Variants in NIBAN1 observed in about 807,000 individuals in gnomAD.
NIBAN1 encodes the protein niban apoptosis regulator 1.
NIBAN1 carries 81 observed loss-of-function variants against 75.1 expected under a neutral mutation model. The observed-to-expected ratio is 1.08, with a 90% confidence interval of 0.90 to 1.30. The LOEUF (loss-of-function observed/expected upper bound fraction) is 1.30, where lower values mean the gene tolerates loss of function less well. Among genes scored for constraint, NIBAN1 ranks in the 50% most tolerant of loss-of-function variants. NIBAN1 has a pLI of 0.00. For missense variants in NIBAN1, 1,133 were observed against 1,128.1 expected (o/e 1.00, Z -0.06); for synonymous variants, 436 against 424.8 (o/e 1.03, Z -0.32).
At chr1:184,878,778 A>C (rs999611943) in intron 5 of NIBAN1, among the ~76,000 whole-genome samples, 1 of 152,240 alleles carries the variant, frequency 6.6e-6, no homozygotes, top group African/African-American at 2.4e-5. Flanking sequence ...CAACTGAAAC[A>C]GACGTCAAAG....
At chr1:184,816,302 A>C (rs1387299285) in intron 9 of NIBAN1, among the ~76,000 whole-genome samples, 1 of 152,180 alleles carries the variant, frequency 6.6e-6, no homozygotes, top group African/African-American at 2.4e-5. Context: ...CATCTCTAGG[A>C]TGTCAAATGG....
chr1:184,807,019 C>T (rs1654219569), intron 10 of NIBAN1, among the ~76,000 whole-genome samples: 1 of 152,178 alleles, frequency 6.6e-6, no homozygotes, highest in Admixed American at 6.5e-5. Flanking sequence ...ATCCACCCGC[C>T]TCGGTCTCCC....
intron 1 of NIBAN1, among the ~76,000 whole-genome samples, chr1:184,941,002 A>G (rs1658075481): frequency 6.6e-6 from 1 of 152,232 alleles, no homozygotes; most frequent in Non-Finnish European, 1.5e-5. Flanking sequence ...ATCCTTTCTT[A>G]TATTCCAATT....
chr1:184,835,567 T>G (rs1375439421), intron 5 of NIBAN1, among the ~76,000 whole-genome samples: 1 of 152,218 alleles, frequency 6.6e-6, no homozygotes, highest in Non-Finnish European at 1.5e-5. Flanking sequence ...ACATCCCTTG[T>G]AAGTTGGATT....
chr1:184,931,545 G>A (rs1390476105), intron 1 of NIBAN1, among the ~76,000 whole-genome samples: 3 of 152,194 alleles, frequency 2.0e-5, no homozygotes, highest in East Asian at 3.8e-4. Context: ...TAGAAATGAA[G>A]TTGGAGGATA....
intron 1 of NIBAN1, among the ~76,000 whole-genome samples, chr1:184,962,897 A>G (rs749112291): frequency 2.0e-5 from 3 of 152,146 alleles, no homozygotes; most frequent in Non-Finnish European, 2.9e-5. Flanking sequence ...CTGCTTTTGA[A>G]CTATCATACT....
chr1:184,964,330 C>G (rs190458145), intron 1 of NIBAN1, among the ~76,000 whole-genome samples: 261 of 152,210 alleles, frequency 1.7e-3, no homozygotes, highest in Non-Finnish European at 2.9e-3. Context: ...AATCCAAGAA[C>G]AGGAAAAGTT....
At chr1:184,962,676 G>C (rs1218589003) in intron 1 of NIBAN1, among the ~76,000 whole-genome samples, 1 of 152,104 alleles carries the variant, frequency 6.6e-6, no homozygotes, top group Non-Finnish European at 1.5e-5. Context: ...AAATACTACT[G>C]GGGTAATTTC....
chr1:184,804,104 C>A (rs78100400), intron 11 of NIBAN1, among the ~76,000 whole-genome samples: 8,611 of 152,218 alleles, frequency 0.057, 266 homozygotes, highest in Middle Eastern at 0.065. Context: ...GAAGAGAAGG[C>A]CTGGCTAGTG....
chr1:184,825,752 G>T (rs890181446), intron 6 of NIBAN1, among the ~76,000 whole-genome samples: 2 of 152,086 alleles, frequency 1.3e-5, no homozygotes, highest in Admixed American at 1.3e-4. Context: ...CTTTCACCAC[G>T]AGTCTTTCAA....
chr1:184,942,060 G>GT (rs138445392), intron 1 of NIBAN1, among the ~76,000 whole-genome samples: 2,034 of 152,172 alleles, frequency 0.013, 40 homozygotes, highest in African/African-American at 0.044. Flanking sequence ...TGTGCCTACA[G>GT]TTTTTTAAAA....
intron 1 of NIBAN1, among the ~76,000 whole-genome samples, chr1:184,972,411 G>C (rs192526891): frequency 5.0e-4 from 76 of 152,316 alleles, no homozygotes; most frequent in Non-Finnish European, 8.5e-4. Flanking sequence ...ACCCTCATTT[G>C]CTCATGCACT....
intron 5 of NIBAN1, among the ~76,000 whole-genome samples, chr1:184,871,344 T>A (rs1656101135): frequency 2.2e-5 from 1 of 45,072 alleles, no homozygotes; most frequent in East Asian, 5.5e-4. Context: ...CAAAACTCTA[T>A]CTCAAAAAAA....
chr1:184,962,715 T>G (rs1053203369), intron 1 of NIBAN1, among the ~76,000 whole-genome samples: 5 of 151,838 alleles, frequency 3.3e-5, no homozygotes, highest in South Asian at 4.2e-4. Flanking sequence ...ACTTGAAGAG[T>G]TTTTCATTGG....
At chr1:184,908,024 G>A (rs1049245814) in intron 1 of NIBAN1, among the ~76,000 whole-genome samples, 6 of 152,158 alleles carry the variant, frequency 3.9e-5, no homozygotes, top group Admixed American at 6.5e-5. Flanking sequence ...CAGGACCCTC[G>A]TAGGGCTCAG....
intron 1 of NIBAN1, among the ~76,000 whole-genome samples, chr1:184,916,775 G>A (rs1205153901): frequency 6.6e-6 from 1 of 152,070 alleles, no homozygotes; most frequent in Non-Finnish European, 1.5e-5. Context: ...TACTATGCCT[G>A]ATCCATAACA....
intron 5 of NIBAN1, among the ~76,000 whole-genome samples, chr1:184,840,643 G>A (rs1655261718): frequency 1.3e-5 from 2 of 151,324 alleles, no homozygotes; most frequent in African/African-American, 2.4e-5. Context: ...TTTGTCAACA[G>A]CGAAAAGGAA....
At chr1:184,859,284 C>T (rs761335586) in intron 5 of NIBAN1, among the ~76,000 whole-genome samples, 1 of 152,060 alleles carries the variant, frequency 6.6e-6, no homozygotes, top group South Asian at 2.1e-4. Flanking sequence ...TCCTTTCATT[C>T]ATTATTTGGC....
intron 4 of NIBAN1, 28 bp downstream of exon 4, chr1:184,890,080 C>T (rs368245982): frequency 9.4e-5 from 144 of 1,535,910 alleles, no homozygotes; most frequent in Non-Finnish European, 1.2e-4. Flanking sequence ...AGTCATTTTG[C>T]CTTGGAAAAG....
Sources: allele counts gnomAD v4.1 joint callset (sites outside exome capture counted in the v4.1 genomes callset), GRCh38; gene constraint gnomAD v4.1.1; transcripts MANE v1.5; gene names NCBI Gene and HGNC (gene_info 2026-07-23, HGNC 2026-07-21).